EIF4G3: variants seen among roughly 807,000 people sequenced by gnomAD.
The protein encoded by EIF4G3 is eIF-4-gamma 3.
In EIF4G3, 34 loss-of-function variants were observed where a neutral mutation model predicts 186.4. The ratio of observed to expected loss-of-function variants is 0.18; its 90% CI spans 0.14 to 0.24. The LOEUF (loss-of-function observed/expected upper bound fraction) is 0.24. EIF4G3 is among the 10% of genes least tolerant of loss of function. The probability of loss-of-function intolerance (pLI) is 1.00; values close to 1 mark genes in which losing one functional copy is unlikely to be tolerated. For missense variants in EIF4G3, 1,536 were observed against 1,948.5 expected (o/e 0.79, Z 3.99); for synonymous variants, 673 against 679.5 (o/e 0.99, Z 0.15).
intron 4 of EIF4G3, among the ~76,000 whole-genome samples, chr1:21,004,302 T>C (rs2084434705): frequency 6.6e-6 from 1 of 152,170 alleles, no homozygotes; most frequent in South Asian, 2.1e-4. Flanking sequence ...TTTCTGAAGA[T>C]AAAAACATAA....
At chr1:20,817,276 A>AG (rs2061299076) in intron 34 of EIF4G3, 116 bp downstream of exon 34, 1 of 326,704 alleles carries the variant, frequency 3.1e-6, no homozygotes, top group African/African-American at 3.1e-5. Flanking sequence ...AAATAAATAA[A>AG]TAAAAAAAAA....
chr1:20,908,511 G>A (rs1230368055), intron 14 of EIF4G3, among the ~76,000 whole-genome samples: 1 of 151,994 alleles, frequency 6.6e-6, no homozygotes, highest in African/African-American at 2.4e-5. Flanking sequence ...AATTTTTGAT[G>A]TGTTACATCA....
intron 2 of EIF4G3, among the ~76,000 whole-genome samples, chr1:21,117,846 G>A (rs2096856360): frequency 1.3e-5 from 2 of 151,524 alleles, no homozygotes; most frequent in African/African-American, 2.4e-5. Flanking sequence ...GACGAAGATT[G>A]CATGAACACA....
At chr1:20,893,718 A>C in intron 17 of EIF4G3, 82 bp from the exon 18 acceptor site, 1 of 1,408,008 alleles carries the variant, frequency 7.1e-7, no homozygotes. Flanking sequence ...TTTTACTGAA[A>C]AGTTACATCA....
At chr1:21,090,385 C>A (rs1024447412) in intron 2 of EIF4G3, among the ~76,000 whole-genome samples, 1 of 152,184 alleles carries the variant, frequency 6.6e-6, no homozygotes, top group African/African-American at 2.4e-5. Flanking sequence ...CTTGCAAAGA[C>A]TAAATTTCAT....
At chr1:20,919,341 TG>T (rs1438272243) in intron 14 of EIF4G3, among the ~76,000 whole-genome samples, 1 of 152,154 alleles carries the variant, frequency 6.6e-6, no homozygotes, top group Non-Finnish European at 1.5e-5. Context: ...CCCGTATAGC[TG>T]GAAGTACAGG....
intron 7 of EIF4G3, among the ~76,000 whole-genome samples, chr1:20,984,623 T>C (rs554922756): frequency 6.0e-5 from 9 of 149,592 alleles, no homozygotes; most frequent in Non-Finnish European, 1.2e-4. Context: ...GGAGTCTTGC[T>C]CTGTCTCCCA....
At chr1:21,078,677 C>T (rs1040979188) in intron 3 of EIF4G3, among the ~76,000 whole-genome samples, 1 of 152,208 alleles carries the variant, frequency 6.6e-6, no homozygotes, top group Non-Finnish European at 1.5e-5. Context: ...CCACACATTA[C>T]TTGCATGCAT....
chr1:20,823,458 T>C (rs2062881621), intron 33 of EIF4G3, among the ~76,000 whole-genome samples: 1 of 152,162 alleles, frequency 6.6e-6, no homozygotes, highest in South Asian at 2.1e-4. Context: ...CGTATCTCAC[T>C]GCAGCCTTAA....
chr1:21,134,829 T>C (rs2097210943), intron 2 of EIF4G3, among the ~76,000 whole-genome samples: 1 of 152,188 alleles, frequency 6.6e-6, no homozygotes, highest in Non-Finnish European at 1.5e-5. Context: ...GATGAATGCA[T>C]TGCTTTGCTA....
chr1:20,918,022 C>A (rs2094092907), intron 14 of EIF4G3, among the ~76,000 whole-genome samples: 1 of 152,008 alleles, frequency 6.6e-6, no homozygotes, highest in South Asian at 2.1e-4. Flanking sequence ...CTCCTAATTT[C>A]TGTTGCCTTT....
chr1:20,883,809 A>T (rs1253529766), intron 19 of EIF4G3, among the ~76,000 whole-genome samples: 3 of 152,212 alleles, frequency 2.0e-5, no homozygotes, highest in African/African-American at 7.2e-5. Flanking sequence ...TCAGAAGACT[A>T]GTTTTCACTG....
chr1:20,859,164 C>T (rs2075783026), intron 24 of EIF4G3, among the ~76,000 whole-genome samples: 1 of 152,194 alleles, frequency 6.6e-6, no homozygotes. Context: ...GTATCTTAGT[C>T]CTTTCTCTCC....
intron 20 of EIF4G3, among the ~76,000 whole-genome samples, 172 bp downstream of exon 20, chr1:20,879,151 T>G (rs1361463778): frequency 6.6e-6 from 1 of 152,172 alleles, no homozygotes; most frequent in Non-Finnish European, 1.5e-5. Flanking sequence ...GAGGGGAGTA[T>G]ACGTTTTAAT....
intron 15 of EIF4G3, among the ~76,000 whole-genome samples, chr1:20,901,335 A>G (rs1405747974): frequency 6.6e-6 from 1 of 152,156 alleles, no homozygotes; most frequent in Admixed American, 6.5e-5. Context: ...TCTAATTATA[A>G]TAATCTTATA....
At chr1:20,913,802 T>C (rs1171455984) in intron 14 of EIF4G3, among the ~76,000 whole-genome samples, 8 of 30,092 alleles carry the variant, frequency 2.7e-4, no homozygotes, top group African/African-American at 6.0e-4. Flanking sequence ...TTATTAGAAT[T>C]TTTTTTTTTT....
chr1:21,049,285 CAGAG>C (rs2094078029), intron 4 of EIF4G3, among the ~76,000 whole-genome samples: 1 of 152,212 alleles, frequency 6.6e-6, no homozygotes, highest in African/African-American at 2.4e-5. Context: ...CTCAACCCTA[CAGAG>C]AAAGGCTCCC....
intron 3 of EIF4G3, among the ~76,000 whole-genome samples, chr1:21,070,318 G>A (rs2095405976): frequency 6.6e-6 from 1 of 151,978 alleles, no homozygotes; most frequent in African/African-American, 2.4e-5. Context: ...AAAAAGTAGT[G>A]CCCTCTTTAC....
chr1:21,089,035 C>G, intron 3 of EIF4G3, 103 bp downstream of exon 3: 1 of 633,686 alleles, frequency 1.6e-6, no homozygotes, highest in Non-Finnish European at 2.9e-6. Context: ...AACTTTTTGC[C>G]AAAAATTTGT....
Sources: gnomAD v4.1 joint callset for allele counts (sites outside exome capture counted in the v4.1 genomes callset) on GRCh38, gnomAD v4.1.1 for gene constraint, MANE v1.5 for transcripts, NCBI Gene and HGNC (gene_info 2026-07-23, HGNC 2026-07-21) for gene names.